Variants in SPMIP2 observed in about 807,000 individuals in gnomAD.
The protein encoded by SPMIP2 is sperm microtubule inner protein 2, also known as protein SPMIP2.
At chr4:158,913,424 A>C in the SPMIP2 span, among the ~76,000 whole-genome samples, 15 of 151,958 alleles carry the variant, frequency 9.9e-5, no homozygotes, top group Non-Finnish European at 1.6e-4. Context: ...GGGTCTCACT[A>C]TGTTGCCCAG....
At chr4:158,956,637 G>T in the SPMIP2 span, among the ~76,000 whole-genome samples, 4 of 152,164 alleles carry the variant, frequency 2.6e-5, no homozygotes, top group Admixed American at 6.5e-5. Flanking sequence ...CTGTGACCCT[G>T]GTCATGTGAC....
the SPMIP2 span, chr4:158,905,670 C>A: frequency 1.4e-5 from 2 of 143,660 alleles, no homozygotes. Flanking sequence ...TAAAACCGAC[C>A]AAAATGATTT....
chr4:158,897,689 G>A, the SPMIP2 span, among the ~76,000 whole-genome samples: 1 of 151,980 alleles, frequency 6.6e-6, no homozygotes, highest in African/African-American at 2.4e-5. Context: ...TGATGGGGTT[G>A]TTTTTTTCTT....
the SPMIP2 span, among the ~76,000 whole-genome samples, chr4:159,061,901 T>G: frequency 6.6e-6 from 1 of 151,500 alleles, no homozygotes; most frequent in Admixed American, 6.6e-5. Flanking sequence ...GAATGTCTTA[T>G]CCCTGCTGGG....
the SPMIP2 span, among the ~76,000 whole-genome samples, chr4:158,950,249 T>C: frequency 6.6e-6 from 1 of 152,218 alleles, no homozygotes; most frequent in Non-Finnish European, 1.5e-5. Context: ...ATTCCACTGA[T>C]TTAATAATCT....
chr4:159,014,211 T>C, the SPMIP2 span, among the ~76,000 whole-genome samples: 2 of 152,206 alleles, frequency 1.3e-5, no homozygotes, highest in Non-Finnish European at 1.5e-5. Context: ...TCTCAGCACT[T>C]TGGGAGGCCG....
At chr4:158,986,743 GC>G in the SPMIP2 span, among the ~76,000 whole-genome samples, 3 of 152,092 alleles carry the variant, frequency 2.0e-5, no homozygotes, top group Non-Finnish European at 4.4e-5. Flanking sequence ...TGTCTAAAAT[GC>G]CAAAAGCAAT....
the SPMIP2 span, among the ~76,000 whole-genome samples, chr4:159,002,074 G>A: frequency 1.3e-5 from 2 of 152,060 alleles, no homozygotes; most frequent in Admixed American, 6.6e-5. Context: ...CTAATGATCA[G>A]TGATATTGAG....
the SPMIP2 span, among the ~76,000 whole-genome samples, chr4:158,908,664 G>A: frequency 6.6e-6 from 1 of 152,158 alleles, no homozygotes; most frequent in Non-Finnish European, 1.5e-5. Flanking sequence ...CTGCATTCAT[G>A]AAGACTCTGT....
the SPMIP2 span, among the ~76,000 whole-genome samples, chr4:158,944,505 C>A: frequency 6.6e-6 from 1 of 152,094 alleles, no homozygotes; most frequent in African/African-American, 2.4e-5. Context: ...TTTCCCTTCT[C>A]ATCCACTCAC....
chr4:158,953,567 T>A, the SPMIP2 span, among the ~76,000 whole-genome samples: 1 of 152,296 alleles, frequency 6.6e-6, no homozygotes, highest in East Asian at 1.9e-4. Context: ...GGGCACTGCC[T>A]AGTGGAGCTG....
chr4:159,046,067 T>C, the SPMIP2 span, among the ~76,000 whole-genome samples: 1 of 152,042 alleles, frequency 6.6e-6, no homozygotes, highest in Non-Finnish European at 1.5e-5. Context: ...CTTGGCAACA[T>C]GGCGAAACTC....
the SPMIP2 span, among the ~76,000 whole-genome samples, chr4:159,002,142 A>T: frequency 6.6e-6 from 1 of 151,892 alleles, no homozygotes; most frequent in African/African-American, 2.4e-5. Flanking sequence ...AAGTATCCTT[A>T]TCACTTGCCC....
chr4:158,956,454 T>G, the SPMIP2 span, among the ~76,000 whole-genome samples: 1 of 152,132 alleles, frequency 6.6e-6, no homozygotes, highest in African/African-American at 2.4e-5. Context: ...TCCCAGCTAC[T>G]TGGGAGGTTG....
the SPMIP2 span, among the ~76,000 whole-genome samples, chr4:159,043,770 A>T: frequency 6.6e-6 from 1 of 152,210 alleles, no homozygotes; most frequent in African/African-American, 2.4e-5. Flanking sequence ...CTCTTCACCC[A>T]GCTTCCTGAG....
the SPMIP2 span, among the ~76,000 whole-genome samples, chr4:158,899,710 T>C: frequency 3.3e-5 from 5 of 152,212 alleles, no homozygotes; most frequent in African/African-American, 1.2e-4. Context: ...CCTTTATCAT[T>C]TTTTGTTGCA....
chr4:158,957,670 C>T, the SPMIP2 span, among the ~76,000 whole-genome samples: 1 of 152,166 alleles, frequency 6.6e-6, no homozygotes, highest in Non-Finnish European at 1.5e-5. Context: ...AAGTGATCAC[C>T]CACCTTGGCC....
the SPMIP2 span, among the ~76,000 whole-genome samples, chr4:159,024,304 G>A: frequency 6.6e-6 from 1 of 152,146 alleles, no homozygotes; most frequent in African/African-American, 2.4e-5. Context: ...TTTTCTAAAA[G>A]GTGATATCTT....
the SPMIP2 span, among the ~76,000 whole-genome samples, chr4:158,967,458 T>C: frequency 1.3e-5 from 2 of 152,176 alleles, no homozygotes; most frequent in African/African-American, 4.8e-5. Context: ...AGGATGCAAA[T>C]AACTATAAGT....
Sources: gnomAD v4.1 joint callset for allele counts (sites outside exome capture counted in the v4.1 genomes callset) on GRCh38, gnomAD v4.1.1 for gene constraint, MANE v1.5 for transcripts, NCBI Gene and HGNC (gene_info 2026-07-23, HGNC 2026-07-21) for gene names.